Variants in TAMM41 observed in about 807,000 individuals in gnomAD.
The protein encoded by TAMM41 is TAM41 mitochondrial translocator assembly and maintenance homolog.
A neutral mutation model predicts 44.1 loss-of-function variants in TAMM41; 36 were observed. That is an observed-to-expected ratio of 0.82 (90% CI 0.63 to 1.08). TAMM41 has a LOEUF of 1.08. TAMM41 is among the 50% of genes least tolerant of loss of function. The pLI is 0.00. For missense variants in TAMM41, 417 were observed against 404.3 expected (o/e 1.03, Z -0.27); for synonymous variants, 164 against 153.1 (o/e 1.07, Z -0.53).
At chr3:11,839,051 C>T (rs891937954) in intron 3 of TAMM41, among the ~76,000 whole-genome samples, 171 bp downstream of exon 3, 1 of 152,272 alleles carries the variant, frequency 6.6e-6, no homozygotes, top group Non-Finnish European at 1.5e-5. Context: ...CTTCTTATAT[C>T]ACAATAGAAT....
At chr3:11,725,593 C>T in the TAMM41 span, among the ~76,000 whole-genome samples, 10 of 152,222 alleles carry the variant, frequency 6.6e-5, no homozygotes, top group East Asian at 1.7e-3. Flanking sequence ...CATATACCAC[C>T]ATGCCCGGCT....
At chr3:11,731,106 C>G in the TAMM41 span, among the ~76,000 whole-genome samples, 1 of 152,058 alleles carries the variant, frequency 6.6e-6, no homozygotes, top group Non-Finnish European at 1.5e-5. Flanking sequence ...CATGTGAGCC[C>G]CTACTGCATG....
At chr3:11,794,212 C>T (rs964573004) in intron 7 of TAMM41, among the ~76,000 whole-genome samples, 3 of 151,498 alleles carry the variant, frequency 2.0e-5, no homozygotes, top group African/African-American at 7.3e-5. Flanking sequence ...TCAAAGCTCA[C>T]TGGAGCCTCG....
intron 7 of TAMM41, among the ~76,000 whole-genome samples, chr3:11,791,133 C>T (rs965694097): frequency 6.6e-5 from 10 of 152,326 alleles, no homozygotes; most frequent in Admixed American, 1.3e-4. Flanking sequence ...CTGTGCAGTA[C>T]GTGTGGGCCG....
At chr3:11,839,483 G>A (rs1308460991) in intron 2 of TAMM41, among the ~76,000 whole-genome samples, 169 bp from the exon 3 acceptor site, 1 of 152,152 alleles carries the variant, frequency 6.6e-6, no homozygotes, top group Non-Finnish European at 1.5e-5. Flanking sequence ...CAAAACTTTT[G>A]AGAGGTTAAG....
intron 4 of TAMM41, among the ~76,000 whole-genome samples, chr3:11,822,820 C>T (rs866098247): frequency 1.3e-5 from 2 of 152,098 alleles, no homozygotes; most frequent in South Asian, 2.1e-4. Context: ...CACTTTTGGG[C>T]GATTCATTAT....
the TAMM41 span, among the ~76,000 whole-genome samples, chr3:11,769,357 T>A: frequency 4.7e-5 from 2 of 42,422 alleles, no homozygotes; most frequent in African/African-American, 1.5e-4. Context: ...CCCAAGAGAT[T>A]TTTTTTTTTT....
chr3:11,752,625 CTTTTTT>C, the TAMM41 span, among the ~76,000 whole-genome samples: 53 of 39,928 alleles, frequency 1.3e-3, no homozygotes, highest in East Asian at 1.5e-3. Context: ...TCTTACAAAG[CTTTTTT>C]TTTTTTTTTT....
the TAMM41 span, among the ~76,000 whole-genome samples, chr3:11,737,612 G>C: frequency 6.6e-6 from 1 of 151,990 alleles, no homozygotes; most frequent in East Asian, 1.9e-4. Context: ...GAGCCACCAT[G>C]CCCAGCCAGC....
chr3:11,812,072 C>A (rs540490080), intron 5 of TAMM41, among the ~76,000 whole-genome samples: 2 of 152,182 alleles, frequency 1.3e-5, no homozygotes, highest in South Asian at 2.1e-4. Context: ...GGATTACAGG[C>A]GCACACCACC....
At chr3:11,836,575 T>C (rs2079185462) in intron 3 of TAMM41, among the ~76,000 whole-genome samples, 1 of 152,230 alleles carries the variant, frequency 6.6e-6, no homozygotes, top group South Asian at 2.1e-4. Flanking sequence ...GTGGTTCTCC[T>C]GCCTCAGCCT....
chr3:11,789,444 T>TA (rs768200510), downstream of TAMM41, among the ~76,000 whole-genome samples: 30 of 152,286 alleles, frequency 2.0e-4, no homozygotes, highest in South Asian at 6.2e-4. Context: ...AATAGATTCA[T>TA]ATAGCTTGTT....
the TAMM41 span, among the ~76,000 whole-genome samples, chr3:11,741,696 C>T: frequency 6.6e-6 from 1 of 150,420 alleles, no homozygotes; most frequent in East Asian, 1.9e-4. Flanking sequence ...TTGGCAACTT[C>T]AGCATATGAT....
At chr3:11,816,656 C>T (rs2124983040) in intron 5 of TAMM41, among the ~76,000 whole-genome samples, 1 of 152,210 alleles carries the variant, frequency 6.6e-6, no homozygotes, top group East Asian at 1.9e-4. Context: ...GTCCCAGCTA[C>T]TCAGGAGGCT....
At chr3:11,764,107 G>A in the TAMM41 span, among the ~76,000 whole-genome samples, 1 of 151,980 alleles carries the variant, frequency 6.6e-6, no homozygotes, top group Non-Finnish European at 1.5e-5. Context: ...AGGCTCAAGC[G>A]ATCCTCCCAC....
chr3:11,811,186 G>C (rs912741547), intron 5 of TAMM41: 2 of 152,106 alleles, frequency 1.3e-5, no homozygotes, highest in African/African-American at 4.8e-5. Context: ...AGCTAGAGGG[G>C]TAAATATTTA....
At chr3:11,781,755 AATAATAATAATAATAATAATAATAATC>A in the TAMM41 span, among the ~76,000 whole-genome samples, 15 of 117,384 alleles carry the variant, frequency 1.3e-4, no homozygotes, top group East Asian at 3.3e-4. Context: ...TAATAATAAT[AATAATAATAATAATAATAATAATAATC>A]ATACAAATAA....
intron 1 of TAMM41, chr3:11,844,957 G>T: frequency 2.2e-6 from 1 of 456,718 alleles, no homozygotes; most frequent in Non-Finnish European, 4.4e-6. Context: ...TGACAAATCT[G>T]AGTCTTGAAG....
At chr3:11,735,085 C>T in the TAMM41 span, among the ~76,000 whole-genome samples, 1 of 150,550 alleles carries the variant, frequency 6.6e-6, no homozygotes, top group Non-Finnish European at 1.5e-5. Context: ...GTGACTCAGG[C>T]ATGGTGGCTC....
Sources: gnomAD v4.1 joint callset for allele counts (sites outside exome capture counted in the v4.1 genomes callset) on GRCh38, gnomAD v4.1.1 for gene constraint, MANE v1.5 for transcripts, NCBI Gene and HGNC (gene_info 2026-07-23, HGNC 2026-07-21) for gene names.